The following DACH2 variants were observed in gnomAD, a reference collection of about 807,000 sequenced individuals.
DACH2 encodes the protein dachshund homolog 2.
DACH2 carries 17 observed loss-of-function variants against 35.8 expected under a neutral mutation model. That is an observed-to-expected ratio of 0.48 (90% CI 0.33 to 0.71). The LOEUF (loss-of-function observed/expected upper bound fraction) is 0.71. Ranked by LOEUF, DACH2 falls within the 30% of genes least tolerant of loss-of-function variation. The pLI, the probability that DACH2 is intolerant of heterozygous loss-of-function variation, is 0.02. For missense variants in DACH2, 469 were observed against 472.7 expected (o/e 0.99, Z 0.07); for synonymous variants, 195 against 177.3 (o/e 1.10, Z -0.79).
chrX:86,589,273 C>T (rs1325082211), intron 3 of DACH2, among the ~76,000 whole-genome samples: 3 of 110,604 alleles, frequency 2.7e-5, no homozygotes, highest in East Asian at 5.7e-4. Flanking sequence ...TTTTGGGTCT[C>T]GATTTTATTC....
intron 2 of DACH2, among the ~76,000 whole-genome samples, chrX:86,441,462 G>A (rs1242991924): frequency 9.9e-6 from 1 of 100,921 alleles, no homozygotes; most frequent in Non-Finnish European, 2.0e-5. Flanking sequence ...TCTTTTTTAT[G>A]ACTGAAAAGT....
chrX:86,775,417 G>A (rs1202995529), intron 7 of DACH2, among the ~76,000 whole-genome samples: 1 of 111,195 alleles, frequency 9.0e-6, no homozygotes, highest in Non-Finnish European at 1.9e-5. Context: ...ATTCTCATAG[G>A]AGTGCAAGCC....
intron 3 of DACH2, among the ~76,000 whole-genome samples, chrX:86,562,166 A>G (rs913534800): frequency 9.0e-6 from 1 of 110,903 alleles, no homozygotes; most frequent in African/African-American, 3.3e-5. Flanking sequence ...GTGGCCAGGT[A>G]TTAATAGTAA....
chrX:86,443,274 C>A (rs2037202003), intron 2 of DACH2, among the ~76,000 whole-genome samples: 2 of 111,249 alleles, frequency 1.8e-5, no homozygotes, highest in African/African-American at 3.3e-5. Flanking sequence ...AGACCTTTAT[C>A]CCCATTGATT....
chrX:86,199,194 G>A (rs1272227212), intron 1 of DACH2, among the ~76,000 whole-genome samples: 1 of 111,297 alleles, frequency 9.0e-6, no homozygotes, highest in African/African-American at 3.3e-5. Context: ...AAGCAGAAAA[G>A]GCTTTTGATA....
intron 1 of DACH2, among the ~76,000 whole-genome samples, chrX:86,363,473 G>A (rs5968904): frequency 9.1e-6 from 1 of 109,623 alleles, no homozygotes; most frequent in Non-Finnish European, 1.9e-5. Flanking sequence ...CTATTGGTAC[G>A]GTCATATGAC....
At chrX:86,228,924 A>G (rs1296994352) in intron 1 of DACH2, among the ~76,000 whole-genome samples, 5 of 109,938 alleles carry the variant, frequency 4.5e-5, no homozygotes, top group Non-Finnish European at 9.5e-5. Flanking sequence ...TTGTCTGTAC[A>G]CTCTGTTGAC....
At chrX:86,371,594 C>G (rs1448277648) in intron 1 of DACH2, among the ~76,000 whole-genome samples, 1 of 110,219 alleles carries the variant, frequency 9.1e-6, no homozygotes, top group African/African-American at 3.3e-5. Flanking sequence ...TAAGGATATC[C>G]TCAGGTTTTT....
rs758960190 is a variant in DACH2 at position 86,171,543 on chromosome X, T to G, written c.488+22435T>G. 5.4e-5 allele frequency among the ~76,000 whole-genome samples: 6 copies of G among 111,737 alleles called. No individual in the cohort carries two copies. In the South Asian group the frequency reaches 2.3e-3, roughly 42 times the overall value. On this transcript the variant is annotated intron_variant, in intron 1 of 11. Coordinates refer to ENST00000373125, the MANE Select transcript of DACH2 (RefSeq NM_053281.3). ...AGTTTGGACAGCTGGGATTGGGGAT[T>G]CCCCTCTTACTAGGGCTGGTTTAAA...
chrX:86,371,376 T>C (rs958398599), intron 1 of DACH2, among the ~76,000 whole-genome samples: 3 of 110,652 alleles, frequency 2.7e-5, no homozygotes, highest in Non-Finnish European at 5.7e-5. Flanking sequence ...AAGCAGCAAA[T>C]ACTTAATATA....
chrX:86,459,811 A>C (rs2037536267), intron 2 of DACH2, among the ~76,000 whole-genome samples: 1 of 110,983 alleles, frequency 9.0e-6, no homozygotes, highest in Admixed American at 9.7e-5. Context: ...TTCTTTACTC[A>C]AATTCTCTTT....
rs549082410 is a variant in DACH2 at position 86,645,441 on chromosome X, C to T, written c.641-5595C>T. Among the ~76,000 whole-genome samples, 11 of 111,410 alleles carry T rather than the reference C, an allele frequency of 9.9e-5. No individual in the cohort carries two copies. In the South Asian group the frequency reaches 4.1e-3, roughly 42 times the overall value. On this transcript the variant is annotated intron_variant, in intron 3 of 11. Coordinates refer to ENST00000373125, the MANE Select transcript of DACH2 (RefSeq NM_053281.3). ...TTACAAAGAAGAGGGAACACTTATA[C>T]ACTGTTGATGGGAGTGTGAATTAGT...
intron 4 of DACH2, among the ~76,000 whole-genome samples, chrX:86,655,556 T>C (rs1040409208): frequency 3.6e-5 from 4 of 111,758 alleles, no homozygotes; most frequent in African/African-American, 1.3e-4. Flanking sequence ...AACCACTCCA[T>C]GAGGGATTAG....
At chrX:86,274,643 T>C (rs752930732) in intron 1 of DACH2, among the ~76,000 whole-genome samples, 20 of 107,989 alleles carry the variant, frequency 1.9e-4, no homozygotes, top group South Asian at 4.2e-4. Flanking sequence ...TACAGGTGCC[T>C]GCCACCACGC....
At chrX:86,296,313 G>A (rs1169914913) in intron 1 of DACH2, among the ~76,000 whole-genome samples, 6 of 99,712 alleles carry the variant, frequency 6.0e-5, no homozygotes, top group South Asian at 1.0e-3. Flanking sequence ...CCCTGGAGGC[G>A]GAGCTTGCAG....
At chrX:86,487,922 C>T (rs1465759564) in intron 2 of DACH2, among the ~76,000 whole-genome samples, 1 of 111,482 alleles carries the variant, frequency 9.0e-6, no homozygotes, top group Admixed American at 9.6e-5. Context: ...AGTTCTTATA[C>T]TAGCTCTGTG....
chrX:86,785,940 T>A (rs2042132576), intron 7 of DACH2, among the ~76,000 whole-genome samples: 1 of 111,582 alleles, frequency 9.0e-6, no homozygotes. Flanking sequence ...AGAAACAAGA[T>A]TTGATGATTC....
At chrX:86,566,677 C>T (rs1019984587) in intron 3 of DACH2, among the ~76,000 whole-genome samples, 2 of 110,330 alleles carry the variant, frequency 1.8e-5, no homozygotes, top group Non-Finnish European at 3.8e-5. Context: ...CCTTTAATGA[C>T]GGCTATTTTA....
intron 3 of DACH2, among the ~76,000 whole-genome samples, chrX:86,589,050 C>T (rs1316067689): frequency 9.0e-6 from 1 of 111,377 alleles, no homozygotes; most frequent in Admixed American, 9.6e-5. Flanking sequence ...ATGCCTTGTT[C>T]GTTGAGAGTA....
Sources: gnomAD v4.1 joint callset for allele counts (sites outside exome capture counted in the v4.1 genomes callset) on GRCh38, gnomAD v4.1.1 for gene constraint, MANE v1.5 for transcripts, NCBI Gene and HGNC (gene_info 2026-07-23, HGNC 2026-07-21) for gene names.